The following PDCD2L variants were observed in gnomAD, a reference collection of about 807,000 sequenced individuals.
PDCD2L encodes uS5 assembly chaperone PDCD2L.
A neutral mutation model predicts 40.4 loss-of-function variants in PDCD2L; 44 were observed. That is an observed-to-expected ratio of 1.09 (90% confidence interval 0.86 to 1.40). PDCD2L has a LOEUF of 1.40. Ranked by LOEUF, PDCD2L falls within the 40% of genes most tolerant of loss-of-function variation. PDCD2L has a pLI of 0.00. For missense variants in PDCD2L, 470 were observed against 453.7 expected, an observed-to-expected ratio of 1.04 and a Z score of -0.33; for synonymous variants, 194 against 174.6, an observed-to-expected ratio of 1.11 and a Z score of -0.88.
At chr19:34,414,198 G>A (rs986667621) in intron 5 of PDCD2L, among the ~76,000 whole-genome samples, 11 of 151,440 alleles carry the variant, frequency 7.3e-5, no homozygotes, top group Non-Finnish European at 1.2e-4. Context: ...TTCTTTGAGA[G>A]GGAGTCGCGC....
Position 34,421,618 on chromosome 19 carries a change from G to A in PDCD2L, c.897G>A (p.Glu299=), listed in dbSNP as rs762095555. The A allele has an allele frequency of 8.7e-6, 14 of 1,614,002 alleles. No homozygotes were observed. The Admixed American group carries it at 2.0e-4, about 23-fold the overall frequency. The part of the protein sequence containing the change: ...CSQCGGQRIF[E]FQLMPALVSM... The stretch of plus-strand genomic sequence containing the variant: ...AGTGTGGAGGCCAAAGGATATTTGA[G>A]TTTCAGCTTATGCCAGCACTGGTCA... The change falls in exon 6 of 7, where the codon GAG becomes GAA. Residue 299 remains glutamate, a synonymous_variant. Coordinates refer to ENST00000246535, the MANE Select transcript of PDCD2L (RefSeq NM_032346.2).
intron 6 of PDCD2L, among the ~76,000 whole-genome samples, chr19:34,423,009 C>T (rs577043639): frequency 6.6e-6 from 1 of 152,252 alleles, no homozygotes; most frequent in African/African-American, 2.4e-5. Flanking sequence ...TGAGCTGCCA[C>T]GCCTGGCCTG....
intron 4 of PDCD2L, among the ~76,000 whole-genome samples, chr19:34,410,877 T>G (rs1026997824): frequency 6.7e-6 from 1 of 150,034 alleles, no homozygotes; most frequent in Non-Finnish European, 1.5e-5. Flanking sequence ...CTCCCCTTCC[T>G]GGGTTCAAGC....
chr19:34,406,044 A>G (rs951285325), intron 3 of PDCD2L, among the ~76,000 whole-genome samples: 3 of 152,212 alleles, frequency 2.0e-5, no homozygotes, highest in Non-Finnish European at 4.4e-5. Flanking sequence ...CAGGAGGCTG[A>G]GGTAGGAGGA....
At position 34,404,994 on chromosome 19, in the gene PDCD2L, A is replaced by AAGGTTGTG; in HGVS notation, c.336+6_336+13dup. On this transcript the variant is annotated splice_donor_region_variant and intron_variant, in intron 3 of 6. Transcript: ENST00000246535. ...GAGAGAGGCGCAGGACGCTCAGGTA[A>AAGGTTGTG]AGGTTGTGATTGGCATGTTATTGTT... 1 of 1,614,082 alleles carries AAGGTTGTG rather than the reference A, an allele frequency of 6.2e-7. No homozygotes were observed. The highest frequency in any genetic ancestry group is 8.5e-7 in the Non-Finnish European group (1 of 1,179,984).
chr19:34,424,798 G>T (rs557786595), intron 6 of PDCD2L, among the ~76,000 whole-genome samples: 1 of 147,358 alleles, frequency 6.8e-6, no homozygotes, highest in South Asian at 2.1e-4. Context: ...AGGCTGGAGT[G>T]CAGTGGCACA....
chr19:34,411,963 CATAT>C (rs74177146), intron 4 of PDCD2L, among the ~76,000 whole-genome samples: 10 of 137,660 alleles, frequency 7.3e-5, no homozygotes, highest in East Asian at 6.3e-4. Context: ...ATGAAAAATA[CATAT>C]ATATATATAT....
chr19:34,408,152 C>T (rs1258786001), intron 3 of PDCD2L, among the ~76,000 whole-genome samples: 2 of 152,058 alleles, frequency 1.3e-5, no homozygotes, highest in Non-Finnish European at 2.9e-5. Context: ...AAACAGTCCG[C>T]CCACCTCAAC....
intron 5 of PDCD2L, among the ~76,000 whole-genome samples, chr19:34,417,642 A>G (rs1302693010): frequency 4.6e-5 from 7 of 152,082 alleles, no homozygotes; most frequent in Admixed American, 3.3e-4. Context: ...AAGGAACATA[A>G]TAGACTTGGC....
intron 4 of PDCD2L, among the ~76,000 whole-genome samples, chr19:34,413,421 C>T (rs546609674): frequency 6.9e-4 from 103 of 150,254 alleles, no homozygotes; most frequent in Non-Finnish European, 1.1e-3. Flanking sequence ...CTGCAACTTC[C>T]GCTTCCCGGG....
intron 5 of PDCD2L, 159 bp from the exon 6 acceptor site, chr19:34,421,360 T>C (rs2075149886): frequency 3.8e-6 from 3 of 785,632 alleles, no homozygotes; most frequent in Non-Finnish European, 6.2e-6. Context: ...ACTGACAAGA[T>C]TTCCAGATAT....
chr19:34,408,716 T>A (rs1348046357), intron 3 of PDCD2L, among the ~76,000 whole-genome samples: 2 of 152,212 alleles, frequency 1.3e-5, no homozygotes, highest in Admixed American at 6.5e-5. Context: ...TCTGTCTGTG[T>A]CTACACAATG....
intron 5 of PDCD2L, among the ~76,000 whole-genome samples, chr19:34,420,790 TAAA>T (rs36111473): frequency 1.4e-5 from 2 of 142,874 alleles, no homozygotes; most frequent in Admixed American, 6.9e-5. Flanking sequence ...AGGCTTTATC[TAAA>T]AAAAAAAAAA....
chr19:34,405,729 C>T (rs7248622), intron 3 of PDCD2L, among the ~76,000 whole-genome samples: 99,002 of 151,148 alleles, frequency 0.66, 36,033 homozygotes, highest in Non-Finnish European at 0.82. Flanking sequence ...GGCGAAACCC[C>T]GTCTCTATTA....
chr19:34,425,467 G>C (rs1361605307), intron 6 of PDCD2L, among the ~76,000 whole-genome samples: 1 of 150,268 alleles, frequency 6.7e-6, no homozygotes, highest in Non-Finnish European at 1.5e-5. Context: ...TACACCCAGT[G>C]AATTTTTTTT....
chr19:34,413,165 A>G (rs1280489119), intron 4 of PDCD2L, among the ~76,000 whole-genome samples: 1 of 151,830 alleles, frequency 6.6e-6, no homozygotes. Context: ...CAGCCTCCCA[A>G]GGAGCTGGGA....
rs1190076157 is a variant in PDCD2L, at chr19:34,413,725, T to C, written c.687-12T>C. 3 of 1,424,928 alleles carry C rather than the reference T, an allele frequency of 2.1e-6. No homozygotes were observed. The highest frequency in any genetic ancestry group is 2.9e-6 in the Non-Finnish European group (3 of 1,020,048). The allele number at this position is 1,424,928 out of a possible 1,614,324, so 88.3% of individuals were successfully genotyped here. ...ATAGACATTCAAAAGTGTTTTCTGC[T>C]TCTGTTTTTAGCCTTCCTAATGATG... is the stretch of plus-strand genomic sequence containing the variant. On this transcript the variant is annotated splice_polypyrimidine_tract_variant and intron_variant, in intron 4 of 6. Transcript: ENST00000246535.
chr19:34,414,468 G>A (rs1204901286), intron 5 of PDCD2L, among the ~76,000 whole-genome samples: 3 of 127,576 alleles, frequency 2.4e-5, no homozygotes, highest in African/African-American at 8.8e-5. Flanking sequence ...GAGCCACCAT[G>A]CCTGGCTTTT....
chr19:34,420,701 A>G (rs2075146590), intron 5 of PDCD2L, among the ~76,000 whole-genome samples: 1 of 151,552 alleles, frequency 6.6e-6, no homozygotes, highest in Non-Finnish European at 1.5e-5. Context: ...CTGAGGTAAG[A>G]GGATTGCTTG....
Sources: gnomAD v4.1 joint callset for allele counts (sites outside exome capture counted in the v4.1 genomes callset) on GRCh38, gnomAD v4.1.1 for gene constraint, MANE v1.5 for transcripts, NCBI Gene and HGNC (gene_info 2026-07-23, HGNC 2026-07-21) for gene names.